CRB1: variants seen among roughly 807,000 people sequenced by gnomAD.
The protein encoded by CRB1 is protein crumbs homolog 1.
Under a neutral mutation model 120.0 loss-of-function variants are expected in CRB1, and 83 were observed. The observed-to-expected ratio is 0.69, with a 90% CI of 0.58 to 0.83. The LOEUF is 0.83. Ranked by LOEUF, CRB1 falls within the 40% of genes least tolerant of loss-of-function variation. The pLI is 0.00. For synonymous variants in CRB1, 625 were observed against 612.5 expected (o/e 1.02, Z -0.30); for missense variants, 1,699 against 1,687.6 (o/e 1.01, Z -0.12).
intron 1 of CRB1, among the ~76,000 whole-genome samples, chr1:197,281,434 T>A (rs1330126585): frequency 2.6e-5 from 4 of 151,892 alleles, no homozygotes; most frequent in Non-Finnish European, 5.9e-5. Flanking sequence ...CAACCAGAGG[T>A]GATCACTTGG....
intron 2 of CRB1, 82 bp from the exon 3 acceptor site, chr1:197,344,198 TA>T: frequency 7.6e-7 from 1 of 1,307,800 alleles, no homozygotes; most frequent in Non-Finnish European, 1.1e-6. Flanking sequence ...AGTGCTCTGG[TA>T]AACAAAGCAT....
intron 10 of CRB1, chr1:197,438,921 C>T: frequency 2.5e-6 from 1 of 398,776 alleles, no homozygotes; most frequent in Non-Finnish European, 4.7e-6. Context: ...GTATAATGTG[C>T]TATTTTTCTT....
upstream of CRB1, among the ~76,000 whole-genome samples, chr1:197,267,540 A>G (rs1571734730): frequency 6.6e-6 from 1 of 152,204 alleles, no homozygotes; most frequent in Non-Finnish European, 1.5e-5. Flanking sequence ...AACAATGGAA[A>G]AAGGCTCTGT....
the CRB1 span, among the ~76,000 whole-genome samples, chr1:197,211,381 T>C: frequency 3.9e-5 from 6 of 152,126 alleles, no homozygotes; most frequent in Non-Finnish European, 7.4e-5. Context: ...ACATCACAGA[T>C]TGGGTAACTT....
At chr1:197,458,539 T>G (rs1170600552) in intron 11 of CRB1, among the ~76,000 whole-genome samples, 1 of 152,100 alleles carries the variant, frequency 6.6e-6, no homozygotes, top group African/African-American at 2.4e-5. Flanking sequence ...CAGGATAAGC[T>G]GACATTCTGG....
At chr1:197,333,332 A>G (rs1298046690) in intron 2 of CRB1, among the ~76,000 whole-genome samples, 2 of 152,218 alleles carry the variant, frequency 1.3e-5, no homozygotes, top group African/African-American at 4.8e-5. Flanking sequence ...AAAAACTCCA[A>G]TTGAAGCTGA....
At chr1:197,371,846 T>C (rs938459146) in intron 5 of CRB1, among the ~76,000 whole-genome samples, 4 of 152,092 alleles carry the variant, frequency 2.6e-5, no homozygotes, top group African/African-American at 9.7e-5. Context: ...AGGGAGACAT[T>C]ACTTCATTCT....
chr1:197,407,274 T>C (rs966186846), intron 5 of CRB1, among the ~76,000 whole-genome samples: 13 of 152,344 alleles, frequency 8.5e-5, no homozygotes, highest in Non-Finnish European at 1.9e-4. Context: ...ATAGGCAGCA[T>C]ATGGTATAAT....
intron 1 of CRB1, among the ~76,000 whole-genome samples, chr1:197,272,967 C>T (rs1011888330): frequency 1.3e-5 from 2 of 152,152 alleles, no homozygotes; most frequent in African/African-American, 4.8e-5. Flanking sequence ...AATCTAACTG[C>T]ATTACAAATG....
At position 197,341,940 on chromosome 1, in the gene CRB1, G is replaced by A. The variant is rs148977489; in HGVS notation, c.653-2341G>A. Among the ~76,000 whole-genome samples the A allele has an allele frequency of 1.8e-3, 280 of 152,290 alleles. 3 individuals are homozygous for A. The highest frequency in any genetic ancestry group is 6.7e-3 in the African/African-American group (277 of 41,568). ...ATGGCTTCCTTGGGTGGACAAGGGG[G>A]AAAAAGCATTCCAGACAGAGATCAG... is the stretch of plus-strand genomic sequence containing the variant. On this transcript the variant is annotated intron_variant, in intron 2 of 11. Coordinates refer to ENST00000367400, the MANE Select transcript of CRB1 (RefSeq NM_201253.3).
intron 5 of CRB1, among the ~76,000 whole-genome samples, chr1:197,385,303 A>G (rs1662157743): frequency 6.6e-6 from 1 of 152,204 alleles, no homozygotes; most frequent in Non-Finnish European, 1.5e-5. Flanking sequence ...CTTTTCCAAA[A>G]CAATATATCT....
chr1:197,425,978 A>C (rs958118991), intron 6 of CRB1, among the ~76,000 whole-genome samples: 2 of 151,650 alleles, frequency 1.3e-5, no homozygotes, highest in African/African-American at 4.8e-5. Context: ...ACATTATCAG[A>C]ACATCCTGCC....
chr1:197,444,846 G>A (rs938717320), intron 11 of CRB1: 2 of 151,396 alleles, frequency 1.3e-5, no homozygotes, highest in African/African-American at 4.9e-5. Context: ...TCTTCTAATG[G>A]TACTTGTACT....
chr1:197,465,044 A>C (rs1298795591), intron 11 of CRB1, among the ~76,000 whole-genome samples: 1 of 152,212 alleles, frequency 6.6e-6, no homozygotes, highest in Non-Finnish European at 1.5e-5. Context: ...ATTTCAAAAA[A>C]AGATGTGGTC....
intron 5 of CRB1, among the ~76,000 whole-genome samples, chr1:197,370,603 A>C (rs1206084372): frequency 6.6e-6 from 1 of 152,200 alleles, no homozygotes; most frequent in African/African-American, 2.4e-5. Context: ...GAAATTTAAA[A>C]ATTCCTTGAA....
At chr1:197,202,983 C>G in the CRB1 span, among the ~76,000 whole-genome samples, 13 of 139,284 alleles carry the variant, frequency 9.3e-5, no homozygotes, top group Non-Finnish European at 1.4e-4. Context: ...GTGTGTGTGT[C>G]TGTGTGTGTG....
intron 1 of CRB1, among the ~76,000 whole-genome samples, chr1:197,288,516 TAAATC>T (rs1476234743): frequency 6.6e-6 from 1 of 151,454 alleles, no homozygotes. Context: ...AGGAGAAAAA[TAAATC>T]AATCAAAACA....
intron 11 of CRB1, chr1:197,443,282 T>C (rs1446283464): frequency 6.6e-6 from 1 of 152,098 alleles, no homozygotes; most frequent in Non-Finnish European, 1.5e-5. Context: ...CCCTAAATTG[T>C]AGAAAAACAA....
At chr1:197,404,437 G>T (rs927599485) in intron 5 of CRB1, among the ~76,000 whole-genome samples, 1 of 88,318 alleles carries the variant, frequency 1.1e-5, no homozygotes, top group Non-Finnish European at 1.9e-5. Flanking sequence ...GCGAGACTCC[G>T]TCTCAAAAAA....
Sources: gnomAD v4.1 joint callset for allele counts (sites outside exome capture counted in the v4.1 genomes callset) on GRCh38, gnomAD v4.1.1 for gene constraint, MANE v1.5 for transcripts, NCBI Gene and HGNC (gene_info 2026-07-23, HGNC 2026-07-21) for gene names.